The following SRC variants were observed in gnomAD, a reference collection of about 807,000 sequenced individuals.
SRC encodes the protein SRC proto-oncogene, non-receptor tyrosine kinase.
In SRC, 13 loss-of-function variants were observed where a neutral mutation model predicts 62.9. The observed-to-expected ratio is 0.21, with a 90% CI of 0.13 to 0.33. The LOEUF is 0.33. Ranked by LOEUF, SRC falls within the 10% of genes least tolerant of loss-of-function variation. SRC has a pLI of 1.00. For missense variants in SRC, 457 were observed against 737.3 expected (o/e 0.62, Z 4.40); for synonymous variants, 302 against 317.5 (o/e 0.95, Z 0.52).
intron 10 of SRC, 117 bp downstream of exon 10, chr20:37,400,411 C>A: frequency 1.1e-6 from 1 of 917,396 alleles, no homozygotes; most frequent in Non-Finnish European, 1.5e-6. Context: ...TGCAGTAGAG[C>A]CAAATTCTCT....
At chr20:37,359,308 C>G (rs1238762469) in intron 1 of SRC, among the ~76,000 whole-genome samples, 1 of 152,228 alleles carries the variant, frequency 6.6e-6, no homozygotes, top group Non-Finnish European at 1.5e-5. Context: ...AGGAACCAAC[C>G]AAAGATCCCT....
rs1289430309 is a variant in SRC at position 37,396,236 on chromosome 20, C to G, written c.628C>G (p.Leu210Val). 6.2e-7 allele frequency: 1 copy of G among 1,614,100 alleles called. No individual in the cohort carries two copies. The highest frequency in any genetic ancestry group is 8.5e-7 in the Non-Finnish European group (1 of 1,180,006). The change falls in exon 8 of 14, where the codon CTG (leucine) becomes GTG (valine). Residue 210 changes from leucine (L) to valine (V), a missense_variant. Physicochemically the swap from Leu to Val is conservative, Grantham distance 32 (BLOSUM62 1). Transcript: ENST00000373578. The surrounding 1 kb of genome is among the most constrained non-coding windows in gnomAD (Gnocchi z 6.1). Reference protein sequence around the residue: ...LNVKHYKIRKLDSGGFYITSR... With the variant: ...LNVKHYKIRKVDSGGFYITSR... ...CGTGAAGCACTACAAGATCCGCAAG[C>G]TGGACAGCGGCGGCTTCTACATCAC...
chr20:37,349,471 C>T (rs1018792703), intron 1 of SRC, among the ~76,000 whole-genome samples: 12 of 152,292 alleles, frequency 7.9e-5, no homozygotes, highest in African/African-American at 1.9e-4. Flanking sequence ...GTCTTTGGAT[C>T]ATTTACTGTA....
chr20:37,393,862 T>G lies in SRC; in HGVS notation c.351-33T>G, dbSNP rs1221207115. 7.7e-6 allele frequency: 12 copies of G among 1,555,952 alleles called. No individual in the cohort carries two copies. The Admixed American group carries it at 1.0e-4, about 13-fold the overall frequency. On this transcript the variant is annotated intron_variant, in intron 5 of 13. Transcript: ENST00000373578. ...CCGGGCTTGTGGCTGACGGCTCCCT[T>G]CTCCTTTCCTCCCTCCTTCTGTCCC...
In SRC at chr20:37,403,685, G is replaced by A; in HGVS notation, c.*306G>A. 2.3e-6 allele frequency: 1 copy of A among 434,904 alleles called. No individual in the cohort carries two copies. Among genetic ancestry groups the A allele is most frequent in the Non-Finnish European group, 4.2e-6 (1 of 237,708 alleles). The allele number at this position is 434,904 out of a possible 1,614,324, so 26.9% of individuals were successfully genotyped here. On this transcript the variant is annotated 3_prime_UTR_variant, in exon 14 of 14. Coordinates refer to ENST00000373578, the MANE Select transcript of SRC (RefSeq NM_198291.3). The surrounding 1 kb of genome is among the most constrained non-coding windows in gnomAD (Gnocchi z 7.1). Reference sequence around the variant, plus strand: ...TGGAAGAGGAACCAGGAGAAGGGCTGGGGCCGGGGCTGAGGGTGCCCTTTT... The same window carrying A: ...TGGAAGAGGAACCAGGAGAAGGGCTAGGGCCGGGGCTGAGGGTGCCCTTTT...
At chr20:37,375,847 C>T (rs1357093999) in intron 2 of SRC, among the ~76,000 whole-genome samples, 3 of 152,336 alleles carry the variant, frequency 2.0e-5, no homozygotes, top group African/African-American at 7.2e-5. Context: ...ATCAAGGTGG[C>T]AGCAGATTCA....
chr20:37,385,128 G>T (rs1301405897), intron 4 of SRC, among the ~76,000 whole-genome samples: 1 of 152,074 alleles, frequency 6.6e-6, no homozygotes, highest in Non-Finnish European at 1.5e-5. Flanking sequence ...CCTCACACTT[G>T]TAGCTGAAGA....
rs1352624429 is a variant in SRC at position 37,368,518 on chromosome 20, C to CTTTTTTTTTTTTTTTTTTTTTTTTT, written c.-173+3242_-173+3266dup. ...GTCATAACATTTATGCCTATATTTT[C>CTTTTTTTTTTTTTTTTTTTTTTTTT]TTTTTTTTTTTTTTTTTTTTTTTTT... On this transcript the variant is annotated intron_variant, in intron 2 of 13. Transcript: ENST00000373578. Among the ~76,000 whole-genome samples, 36 of 73,900 alleles carry CTTTTTTTTTTTTTTTTTTTTTTTTT rather than the reference C, an allele frequency of 4.9e-4. 6 individuals carry two copies. The highest frequency in any genetic ancestry group is 1.4e-3 in the East Asian group (3 of 2,140). The allele number at this position is 73,900 out of a possible 152,430, so 48.5% of individuals were successfully genotyped here.
rs1440412819 is a variant in SRC at position 37,398,772 on chromosome 20, G to A, written c.859+918G>A. ...AATGCACAGCGTCAGCCATTATGGTGGCTGCAAAACTCATTTCTGGCTTGG... is the reference window on the plus strand; with the variant it reads ...AATGCACAGCGTCAGCCATTATGGTAGCTGCAAAACTCATTTCTGGCTTGG... On this transcript the variant is annotated intron_variant, in intron 9 of 13. Coordinates refer to ENST00000373578, the MANE Select transcript of SRC (RefSeq NM_198291.3). The surrounding 1 kb of genome is among the most constrained non-coding windows in gnomAD (Gnocchi z 5.2). Among the ~76,000 whole-genome samples the A allele has an allele frequency of 6.6e-6, 1 of 152,230 alleles. No individual in the cohort carries two copies. Among genetic ancestry groups the A allele is most frequent in the Admixed American group, 6.5e-5 (1 of 15,290 alleles).
In SRC at chr20:37,404,847, C is replaced by T. The variant is rs2070801431; in HGVS notation, c.*1468C>T. Reference sequence around the variant, plus strand: ...TGCCCATCTGTAAAGGGGCAGCTGACAGTTTGTGGCATCTTGCCAAGGGTC... The same window carrying T: ...TGCCCATCTGTAAAGGGGCAGCTGATAGTTTGTGGCATCTTGCCAAGGGTC... On this transcript the variant is annotated 3_prime_UTR_variant, in exon 14 of 14. Transcript: ENST00000373578. 8.6e-6 allele frequency: 2 copies of T among 233,726 alleles called. No individual in the cohort carries two copies. Among genetic ancestry groups the T allele is most frequent in the East Asian group, 1.2e-4 (2 of 16,596 alleles). 14.5% of individuals were successfully genotyped at this position (233,726 alleles called of 1,614,324 possible).
intron 1 of SRC, among the ~76,000 whole-genome samples, chr20:37,348,430 T>C (rs531532314): frequency 1.3e-5 from 2 of 152,298 alleles, no homozygotes; most frequent in African/African-American, 2.4e-5. Context: ...TCCCCATGTA[T>C]AAGCATTTGT....
At position 37,375,931 on chromosome 20, in the gene SRC, A is replaced by G. The variant is rs528222682; in HGVS notation, c.-172-6688A>G. ...ATGTGTCCTCACATGGCAGAGAGAGACAGGGCTCTGGTTTCCTCCTCTTCT... is the reference window on the plus strand; with the variant it reads ...ATGTGTCCTCACATGGCAGAGAGAGGCAGGGCTCTGGTTTCCTCCTCTTCT... On this transcript the variant is annotated intron_variant, in intron 2 of 13. Transcript: ENST00000373578. 7.9e-5 allele frequency among the ~76,000 whole-genome samples: 12 copies of G among 152,282 alleles called. No individual in the cohort carries two copies. In the South Asian group the frequency reaches 2.3e-3, roughly 29 times the overall value.
intron 11 of SRC, chr20:37,401,982 G>T: frequency 2.6e-6 from 1 of 378,914 alleles, no homozygotes; most frequent in Non-Finnish European, 4.7e-6. Flanking sequence ...CATGCTTGCT[G>T]TAGGCAGTGG....
At chr20:37,373,435 A>C (rs550012137) in intron 2 of SRC, among the ~76,000 whole-genome samples, 1 of 96,724 alleles carries the variant, frequency 1.0e-5, no homozygotes, top group Admixed American at 8.7e-5. Flanking sequence ...GCGTGTATAT[A>C]CGCATATATA....
chr20:37,396,424 C>T lies in SRC; in HGVS notation c.703+113C>T. ...GACTTCTGTTATCCTGCTTCTCTCC[C>T]CACTTCCCCCTCCCCCCTCCCTTCC... On this transcript the variant is annotated intron_variant, in intron 8 of 13. Transcript: ENST00000373578. This position sits in a 1 kb window ranked among gnomAD's most constrained non-coding sequence, Gnocchi z 6.1. The T allele has an allele frequency of 8.1e-7, 1 of 1,227,146 alleles. No individual in the cohort carries two copies. Among genetic ancestry groups the T allele is most frequent in the Non-Finnish European group, 1.1e-6 (1 of 883,742 alleles). The allele number at this position is 1,227,146 out of a possible 1,614,324, so 76.0% of individuals were successfully genotyped here.
At position 37,397,662 on chromosome 20, in the gene SRC, A is replaced by C. The variant is rs773366332; in HGVS notation, c.704-37A>C. 7.9e-6 allele frequency: 12 copies of C among 1,525,894 alleles called. No individual in the cohort carries two copies. The highest frequency in any genetic ancestry group is 1.1e-5 in the Non-Finnish European group (12 of 1,134,140). The allele number at this position is 1,525,894 out of a possible 1,614,324, so 94.5% of individuals were successfully genotyped here. ...GAGGGGCAGGGAGGCCCCAGGGCAG[A>C]AGACCCGCCTAACTGCTCCTCCTGC... On this transcript the variant is annotated intron_variant, in intron 8 of 13. Coordinates refer to ENST00000373578, the MANE Select transcript of SRC (RefSeq NM_198291.3). The surrounding 1 kb of genome is among the most constrained non-coding windows in gnomAD (Gnocchi z 4.1).
Position 37,403,515 on chromosome 20 carries a change from C to A in SRC, c.*136C>A. On this transcript the variant is annotated 3_prime_UTR_variant, in exon 14 of 14. Coordinates refer to ENST00000373578, the MANE Select transcript of SRC (RefSeq NM_198291.3). The surrounding 1 kb of genome is among the most constrained non-coding windows in gnomAD (Gnocchi z 7.1). Reference sequence around the variant, plus strand: ...TGAATTGCCAGGGGCGAGGCCCTTCCTCTTTGGTGGCATGGAAGGGGCTTC... The same window carrying A: ...TGAATTGCCAGGGGCGAGGCCCTTCATCTTTGGTGGCATGGAAGGGGCTTC... 1 of 1,048,898 alleles carries A rather than the reference C, an allele frequency of 9.5e-7. No homozygotes were observed. The highest frequency in any genetic ancestry group is 1.3e-6 in the Non-Finnish European group (1 of 742,878). 65.0% of individuals were successfully genotyped at this position (1,048,898 alleles called of 1,614,324 possible).
At chr20:37,368,518 C>CTTTTTTTTTTTTTTTTTGTTTTTTTTTT (rs2070103463) in intron 2 of SRC, among the ~76,000 whole-genome samples, 1 of 73,898 alleles carries the variant, frequency 1.4e-5, no homozygotes. Context: ...CCTATATTTT[C>CTTTTTTTTTTTTTTTTTGTTTTTTTTTT]TTTTTTTTTT....
chr20:37,388,238 C>G (rs1177814662), intron 5 of SRC, among the ~76,000 whole-genome samples: 1 of 144,492 alleles, frequency 6.9e-6, no homozygotes, highest in Non-Finnish European at 1.5e-5. Flanking sequence ...TAGCCCCATG[C>G]TTGCCTTTTT....
Sources: gnomAD v4.1 joint callset for allele counts (sites outside exome capture counted in the v4.1 genomes callset) on GRCh38, gnomAD v4.1.1 for gene constraint, Gnocchi (gnomAD v3.1) non-coding constraint, MANE v1.5 for transcripts, NCBI Gene and HGNC (gene_info 2026-07-23, HGNC 2026-07-21) for gene names.